The following ATP5MC2 variants were observed in gnomAD, a reference collection of about 807,000 sequenced individuals.
ATP5MC2 encodes the protein ATP synthase F(0) complex subunit C2, mitochondrial.
In ATP5MC2, 11 loss-of-function variants were observed where a neutral mutation model predicts 13.5. That is an observed-to-expected ratio of 0.81 (90% CI 0.51 to 1.35). The LOEUF is 1.35. ATP5MC2 is among the 40% of genes most tolerant of loss of function. ATP5MC2 has a pLI of 0.00. For missense variants in ATP5MC2, 132 were observed against 175.0 expected (o/e 0.75, Z 1.39); for synonymous variants, 64 against 69.7 (o/e 0.92, Z 0.41).
intron 1 of ATP5MC2, 151 bp downstream of exon 1, chr12:53,675,902 C>A (rs552025110): frequency 1.0e-3 from 1,250 of 1,242,736 alleles, no homozygotes; most frequent in Middle Eastern, 1.4e-3. Flanking sequence ...GCGGAAGAGC[C>A]AACTCTAAGG....
At chr12:53,667,994 T>TATATATATATATATAA (rs1219187071) in intron 4 of ATP5MC2, among the ~76,000 whole-genome samples, 3 of 88,228 alleles carry the variant, frequency 3.4e-5, no homozygotes, top group African/African-American at 9.0e-5. Flanking sequence ...TATATATATA[T>TATATATATATATATAA]AAATTTTTTT....
At chr12:53,679,279 G>GAGAC (rs1259614045), upstream of ATP5MC2, among the ~76,000 whole-genome samples, 1 of 135,268 alleles carries the variant, frequency 7.4e-6, no homozygotes, top group African/African-American at 2.7e-5. Flanking sequence ...GAGAGAGAGA[G>GAGAC]ACCAGGGCAC....
chr12:53,678,722 G>C (rs1382701971), upstream of ATP5MC2, among the ~76,000 whole-genome samples: 1 of 152,158 alleles, frequency 6.6e-6, no homozygotes, highest in Non-Finnish European at 1.5e-5. Flanking sequence ...CTTAGCTGAG[G>C]GTCGGAGGAT....
chr12:53,676,353 GGA>G, upstream of ATP5MC2: 3 of 1,078,646 alleles, frequency 2.8e-6, no homozygotes, highest in African/African-American at 3.2e-5. Flanking sequence ...ACCGCGTTTG[GGA>G]TCTCGGACTT....
upstream of ATP5MC2, chr12:53,677,463 T>C (rs1339521173): frequency 6.6e-6 from 1 of 152,210 alleles, no homozygotes; most frequent in African/African-American, 2.4e-5. Flanking sequence ...ATGCGGCCAA[T>C]CCATCTTGCA....
Position 53,672,882 on chromosome 12 carries a change from G to A in ATP5MC2, c.-31-237C>T, listed in dbSNP as rs1945142782. ...CTGGTCTGAACAAGTGAACACTTGG[G>A]TTCAGGTAAGACCTGTTACCCATTT... On this transcript the variant is annotated intron_variant, in intron 1 of 4. Transcript: ENST00000394349. The A allele has an allele frequency of 1.6e-5, 8 of 485,552 alleles. No homozygotes were observed. The South Asian group carries it at 1.9e-4, about 12-fold the overall frequency. The allele number at this position is 485,552 out of a possible 1,614,324, so 30.1% of individuals were successfully genotyped here.
chr12:53,665,969 T>A (rs1316394269), intron 4 of ATP5MC2, among the ~76,000 whole-genome samples: 2 of 152,124 alleles, frequency 1.3e-5, no homozygotes, highest in East Asian at 3.8e-4. Context: ...GAGGGACAGA[T>A]TATGTTCTCT....
intron 1 of ATP5MC2, 49 bp downstream of exon 1, chr12:53,676,004 C>A (rs981460718): frequency 6.3e-7 from 1 of 1,596,910 alleles, no homozygotes; most frequent in South Asian, 1.1e-5. Context: ...GGTGAGGTGT[C>A]CCGCGCGCGT....
chr12:53,675,426 G>A (rs945632847), intron 1 of ATP5MC2, among the ~76,000 whole-genome samples: 4 of 152,210 alleles, frequency 2.6e-5, no homozygotes, highest in African/African-American at 9.6e-5. Flanking sequence ...GAAAGGTACT[G>A]GTAAATAACT....
intron 1 of ATP5MC2, among the ~76,000 whole-genome samples, chr12:53,674,468 T>C (rs968308156): frequency 6.6e-6 from 1 of 152,254 alleles, no homozygotes; most frequent in Admixed American, 6.5e-5. Flanking sequence ...GAAACTGTGG[T>C]AGTGGTAGAG....
intron 1 of ATP5MC2, chr12:53,673,065 A>G (rs1175516274): frequency 1.2e-5 from 2 of 164,314 alleles, no homozygotes; most frequent in African/African-American, 4.8e-5. Flanking sequence ...TCACACCTGT[A>G]ATCCCAGCAC....
chr12:53,670,391 T>C (rs1565626831), intron 2 of ATP5MC2: 1 of 333,658 alleles, frequency 3.0e-6, no homozygotes, highest in African/African-American at 2.2e-5. Flanking sequence ...CACCATAGTC[T>C]GGCCTTCAAT....
intron 2 of ATP5MC2, chr12:53,670,318 G>A (rs1945058924): frequency 1.2e-4 from 44 of 354,156 alleles, no homozygotes; most frequent in South Asian, 8.7e-4. Flanking sequence ...ACTTACCATA[G>A]GGTTATGTGC....
intron 3 of ATP5MC2, 110 bp from the exon 4 acceptor site, chr12:53,669,451 T>C (rs1945029388): frequency 1.4e-6 from 2 of 1,445,210 alleles, no homozygotes; most frequent in African/African-American, 2.9e-5. Flanking sequence ...AAACAGAAAA[T>C]TGTTTAACGC....
Position 53,665,274 on chromosome 12 carries a change from A to C in ATP5MC2, c.*40T>G. The C allele has an allele frequency of 6.4e-7, 1 of 1,554,570 alleles. No homozygotes were observed. The highest frequency in any genetic ancestry group is 8.8e-7 in the Non-Finnish European group (1 of 1,139,070). On this transcript the variant is annotated 3_prime_UTR_variant, in exon 5 of 5. Transcript: ENST00000394349. Reference sequence around the variant, plus strand: ...ATAGGAAAAGGAACACACGGGGCCAACCAGACGCGGGAGAACTATGGGAGG... The same window carrying C: ...ATAGGAAAAGGAACACACGGGGCCACCCAGACGCGGGAGAACTATGGGAGG...
rs916010110 is a variant in ATP5MC2, at chr12:53,672,083, C to CAAAAAAAAAAAAAAAA, written c.39+477_39+492dup. ...GGGCAACAAGAGCGAAACTCTGTCTCAAAAAAAAAAAAAAAAAAAAAATTA... is the reference window on the plus strand; with the variant it reads ...GGGCAACAAGAGCGAAACTCTGTCTCAAAAAAAAAAAAAAAAAAAAAAAAAAAAAAAAAAAAAATTA... On this transcript the variant is annotated intron_variant, in intron 2 of 4. Coordinates refer to ENST00000394349, the MANE Select transcript of ATP5MC2 (RefSeq NM_005176.7). Among the ~76,000 whole-genome samples, 336 of 47,100 alleles carry CAAAAAAAAAAAAAAAA rather than the reference C, an allele frequency of 7.1e-3. 31 individuals carry two copies. The highest frequency in any genetic ancestry group is 0.028 in the Admixed American group (104 of 3,658). The allele number at this position is 47,100 out of a possible 152,430, so 30.9% of individuals were successfully genotyped here. A position where few individuals can be genotyped will look rare whatever the true frequency, so the allele number is the denominator to read the frequency against.
At chr12:53,670,194 A>G in intron 2 of ATP5MC2, 1 of 526,676 alleles carries the variant, frequency 1.9e-6, no homozygotes, top group Non-Finnish European at 3.6e-6. Context: ...TTTGGGCCAT[A>G]AGGGAGCATC....
upstream of ATP5MC2, among the ~76,000 whole-genome samples, chr12:53,680,919 T>C (rs9739598): frequency 5.9e-5 from 9 of 151,678 alleles, no homozygotes; most frequent in South Asian, 1.0e-3. Context: ...ATTATTTTTG[T>C]GGGGGAGGTG....
Position 53,676,068 on chromosome 12 carries a change from A to G in ATP5MC2, c.-47T>C. On this transcript the variant is annotated 5_prime_UTR_variant, in exon 1 of 5. Transcript: ENST00000394349. ...AAGGCCTTACCTGCTCCCACTGCAGAGAAGACAGAGAGGGGCGGAGCAGCG... is the reference window on the plus strand; with the variant it reads ...AAGGCCTTACCTGCTCCCACTGCAGGGAAGACAGAGAGGGGCGGAGCAGCG... 6.2e-7 allele frequency: 1 copy of G among 1,614,154 alleles called. No homozygotes were observed. The highest frequency in any genetic ancestry group is 8.5e-7 in the Non-Finnish European group (1 of 1,180,034).
Sources: allele counts gnomAD v4.1 joint callset (sites outside exome capture counted in the v4.1 genomes callset), GRCh38; gene constraint gnomAD v4.1.1; transcripts MANE v1.5; gene names NCBI Gene and HGNC (gene_info 2026-07-23, HGNC 2026-07-21).